The following ADAMTS3 variants were observed in gnomAD, a reference collection of about 807,000 sequenced individuals.
ADAMTS3 encodes A disintegrin and metalloproteinase with thrombospondin motifs 3.
Under a neutral mutation model 129.0 loss-of-function variants are expected in ADAMTS3, and 73 were observed. The ratio of observed to expected loss-of-function variants is 0.57; its 90% CI spans 0.47 to 0.69. The LOEUF (loss-of-function observed/expected upper bound fraction) is 0.69. ADAMTS3 is among the 30% of genes least tolerant of loss of function. The probability of loss-of-function intolerance (pLI) is 0.00; values close to 1 mark genes in which losing one functional copy is unlikely to be tolerated. For synonymous variants in ADAMTS3, 477 were observed against 510.8 expected (o/e 0.93, Z 0.89); for missense variants, 1,457 against 1,514.5 (o/e 0.96, Z 0.63).
intron 4 of ADAMTS3, among the ~76,000 whole-genome samples, chr4:72,384,558 T>C (rs1243651468): frequency 6.6e-6 from 1 of 152,156 alleles, no homozygotes; most frequent in African/African-American, 2.4e-5. Context: ...CTACCAAATT[T>C]GAATTCAAAA....
intron 2 of ADAMTS3, among the ~76,000 whole-genome samples, chr4:72,559,400 C>T (rs1159188059): frequency 2.0e-5 from 3 of 151,788 alleles, no homozygotes; most frequent in Non-Finnish European, 4.4e-5. Flanking sequence ...TCTCAACTCC[C>T]TCTCTCTACT....
chr4:72,326,891 C>T (rs1452797090), intron 5 of ADAMTS3, among the ~76,000 whole-genome samples: 1 of 151,948 alleles, frequency 6.6e-6, no homozygotes, highest in Non-Finnish European at 1.5e-5. Flanking sequence ...AAGCTATTTC[C>T]AGCAGATGGC....
intron 3 of ADAMTS3, among the ~76,000 whole-genome samples, chr4:72,463,514 A>G (rs1718829624): frequency 6.6e-6 from 1 of 151,982 alleles, no homozygotes; most frequent in Admixed American, 6.6e-5. Flanking sequence ...ATGAACAGCA[A>G]GGTTAATTAT....
chr4:72,567,537 A>G, intron 1 of ADAMTS3, 136 bp from the exon 2 acceptor site: 1 of 809,874 alleles, frequency 1.2e-6, no homozygotes, highest in Admixed American at 2.7e-5. Context: ...TTGGTGCCTA[A>G]AGCCTGCACC....
At chr4:72,555,343 G>A (rs538356618) in intron 2 of ADAMTS3, among the ~76,000 whole-genome samples, 2 of 151,818 alleles carry the variant, frequency 1.3e-5, no homozygotes, top group Non-Finnish European at 2.9e-5. Flanking sequence ...CCTGGCTTAA[G>A]CATGCCTACA....
At chr4:72,450,125 T>C (rs979413179) in intron 3 of ADAMTS3, among the ~76,000 whole-genome samples, 6 of 151,680 alleles carry the variant, frequency 4.0e-5, no homozygotes, top group Non-Finnish European at 5.9e-5. Context: ...CTTTGAAATA[T>C]GACACTAATA....
In ADAMTS3 at chr4:72,506,275, C is replaced by A. The variant is rs114535823; in HGVS notation, c.504+42203G>T. Among the ~76,000 whole-genome samples, 476 of 152,290 alleles carry A rather than the reference C, an allele frequency of 3.1e-3. 5 individuals are homozygous for A. The highest frequency in any genetic ancestry group is 0.011 in the African/African-American group (461 of 41,570). On this transcript the variant is annotated intron_variant, in intron 3 of 21. Transcript: ENST00000286657. ...TGGCTCTGGAACAGAGAAGACCCTG[C>A]TGCACAAAAATCTCAGGGGAACAGG...
intron 4 of ADAMTS3, among the ~76,000 whole-genome samples, chr4:72,344,627 A>G (rs924148401): frequency 1.1e-4 from 17 of 152,302 alleles, no homozygotes; most frequent in South Asian, 4.1e-4. Context: ...AGTATTGCTT[A>G]TATCTTGATG....
At chr4:72,562,084 T>C (rs190736760) in intron 2 of ADAMTS3, among the ~76,000 whole-genome samples, 222 of 152,314 alleles carry the variant, frequency 1.5e-3, no homozygotes, top group African/African-American at 5.0e-3. Flanking sequence ...GCAGTACTAA[T>C]AAAATTACAA....
At chr4:72,367,451 TAAATAC>T (rs1257101845) in intron 4 of ADAMTS3, among the ~76,000 whole-genome samples, 2 of 152,120 alleles carry the variant, frequency 1.3e-5, no homozygotes, top group Non-Finnish European at 2.9e-5. Flanking sequence ...AAGCACCATA[TAAATAC>T]ATATGTAACA....
At chr4:72,339,773 C>A in intron 4 of ADAMTS3, 80 bp from the exon 5 acceptor site, 1 of 1,125,290 alleles carries the variant, frequency 8.9e-7, no homozygotes. Context: ...AAAGAATCTT[C>A]TCAGGGGCCT....
At chr4:72,522,555 C>T (rs1396296606) in intron 3 of ADAMTS3, among the ~76,000 whole-genome samples, 1 of 152,062 alleles carries the variant, frequency 6.6e-6, no homozygotes, top group African/African-American at 2.4e-5. Flanking sequence ...CAAGTCGTAT[C>T]AACTACTGTG....
intron 3 of ADAMTS3, among the ~76,000 whole-genome samples, chr4:72,462,476 C>A (rs758042494): frequency 6.6e-6 from 1 of 151,914 alleles, no homozygotes; most frequent in Non-Finnish European, 1.5e-5. Flanking sequence ...GTGCATTTTA[C>A]ACAAGTGTAC....
At chr4:72,375,398 A>C (rs991564523) in intron 4 of ADAMTS3, among the ~76,000 whole-genome samples, 1 of 152,194 alleles carries the variant, frequency 6.6e-6, no homozygotes, top group African/African-American at 2.4e-5. Flanking sequence ...GAAAATGATG[A>C]GTAAAACAGG....
intron 3 of ADAMTS3, among the ~76,000 whole-genome samples, chr4:72,476,487 A>T (rs1719236732): frequency 6.6e-6 from 1 of 152,166 alleles, no homozygotes; most frequent in Admixed American, 6.5e-5. Flanking sequence ...AAAAATCCCA[A>T]AAAAGGAATG....
chr4:72,488,144 G>A (rs544702224), intron 3 of ADAMTS3, among the ~76,000 whole-genome samples: 2 of 152,040 alleles, frequency 1.3e-5, no homozygotes, highest in South Asian at 2.1e-4. Flanking sequence ...AGTTGCAAAC[G>A]TGGCAATGTA....
rs1275651406 is a variant in ADAMTS3 at position 72,419,955 on chromosome 4, A to C, written c.505-4984T>G. Among the ~76,000 whole-genome samples the C allele has an allele frequency of 2.0e-5, 3 of 152,326 alleles. No individual in the cohort carries two copies. In the East Asian group the frequency reaches 5.8e-4, roughly 29 times the overall value. On this transcript the variant is annotated intron_variant, in intron 3 of 21. Transcript: ENST00000286657. ...TATTTTCATATTTCTCTGATGATTA[A>C]GTGCCAGATGGAAGCAAGCAAGAAG...
chr4:72,548,516 G>C lies in ADAMTS3; in HGVS notation c.466C>G (p.Pro156Ala). The change falls in exon 3 of 22, where the codon CCA becomes GCA. Residue 156 changes from proline (P) to alanine (A), a missense_variant. Physicochemically the swap from Pro to Ala is conservative, Grantham distance 27 (BLOSUM62 -1). Transcript: ENST00000286657. ...TTGCTGATGGCAACAGAGGTTCCTG[G>C]AATGTCCACGATGTCACCAACATAA... ...CAYVGDIVDI[P>A]GTSVAISNCD... The C allele has an allele frequency of 6.2e-7, 1 of 1,613,842 alleles. No individual in the cohort carries two copies. The highest frequency in any genetic ancestry group is 8.5e-7 in the Non-Finnish European group (1 of 1,179,842).
In ADAMTS3 at chr4:72,305,995, T is replaced by C. The variant is rs752943957; in HGVS notation, c.2252A>G (p.His751Arg). The change falls in exon 16 of 22, where the codon CAT (histidine) becomes CGT (arginine). Residue 751 changes from histidine to arginine, a missense_variant. Physicochemically the swap from His to Arg is conservative, Grantham distance 29 (BLOSUM62 0). Coordinates refer to ENST00000286657, the MANE Select transcript of ADAMTS3 (RefSeq NM_014243.3). Reference protein sequence around the residue: ...VLIQEDEASPHILAIKNQATG... With the variant: ...VLIQEDEASPRILAIKNQATG... The stretch of plus-strand genomic sequence containing the variant: ...CAGACAGAAACACTTACCAAGAATA[T>C]GAGGAGAAGCCTCGTCTTCTTGGAT... 5 of 1,610,992 alleles carry C rather than the reference T, an allele frequency of 3.1e-6. No homozygotes were observed. The highest frequency in any genetic ancestry group is 2.7e-5 in the African/African-American group (2 of 74,698).
Sources: allele counts gnomAD v4.1 joint callset (sites outside exome capture counted in the v4.1 genomes callset), GRCh38; gene constraint gnomAD v4.1.1; transcripts MANE v1.5; gene names NCBI Gene and HGNC (gene_info 2026-07-23, HGNC 2026-07-21).